The following RSU1 variants were observed in gnomAD, a reference collection of about 807,000 sequenced individuals.
RSU1 encodes rsu-1.
Under a neutral mutation model 31.1 loss-of-function variants are expected in RSU1, and 26 were observed. That is an observed-to-expected ratio of 0.84 (90% CI 0.61 to 1.16). The LOEUF is 1.16. Among genes scored for constraint, RSU1 ranks in the 50% most tolerant of loss-of-function variants. RSU1 has a pLI of 0.00. For missense variants in RSU1, 320 were observed against 339.1 expected, an observed-to-expected ratio of 0.94 and a Z score of 0.44; for synonymous variants, 164 against 136.3, an observed-to-expected ratio of 1.20 and a Z score of -1.41.
intron 3 of RSU1, among the ~76,000 whole-genome samples, chr10:16,773,477 C>T (rs1175300870): frequency 1.3e-5 from 2 of 152,174 alleles, no homozygotes; most frequent in Non-Finnish European, 2.9e-5. Flanking sequence ...GCCACAGGAA[C>T]GCTTCGTCCA....
intron 8 of RSU1, among the ~76,000 whole-genome samples, chr10:16,682,574 G>A (rs60777098): frequency 0.028 from 3,858 of 138,192 alleles, 242 homozygotes; most frequent in African/African-American, 0.094. Flanking sequence ...ACACACACAT[G>A]CATGCATGTT....
chr10:16,817,244 T>TA (rs373002784), intron 1 of RSU1, 71 bp downstream of exon 1: 15 of 616,546 alleles, frequency 2.4e-5, no homozygotes, highest in Admixed American at 8.3e-5. Flanking sequence ...GGGGATGGAG[T>TA]GGGAAGGGTT....
chr10:16,594,142 C>A (rs1403168197), intron 8 of RSU1, among the ~76,000 whole-genome samples: 1 of 152,124 alleles, frequency 6.6e-6, no homozygotes, highest in Admixed American at 6.5e-5. Flanking sequence ...CTGATTAAAC[C>A]AAATTAAAAG....
intron 8 of RSU1, among the ~76,000 whole-genome samples, chr10:16,664,505 A>T (rs927480647): frequency 3.9e-5 from 6 of 152,220 alleles, no homozygotes; most frequent in Non-Finnish European, 4.4e-5. Context: ...GACAACATTG[A>T]TGAATGCTTC....
At chr10:16,792,042 AAC>A (rs1837928722) in intron 2 of RSU1, among the ~76,000 whole-genome samples, 1 of 152,198 alleles carries the variant, frequency 6.6e-6, no homozygotes, top group Non-Finnish European at 1.5e-5. Context: ...GAGGCCTGAA[AAC>A]ACACAAAATG....
At chr10:16,775,475 G>T (rs896023573) in intron 3 of RSU1, among the ~76,000 whole-genome samples, 1 of 152,050 alleles carries the variant, frequency 6.6e-6, no homozygotes, top group Non-Finnish European at 1.5e-5. Context: ...AAGGATTCTA[G>T]AACAGGTACA....
At chr10:16,779,742 G>C (rs1321810569) in intron 3 of RSU1, among the ~76,000 whole-genome samples, 4 of 151,990 alleles carry the variant, frequency 2.6e-5, no homozygotes, top group African/African-American at 9.7e-5. Context: ...GTGACAGCAG[G>C]GTGTGCCTAG....
At chr10:16,606,243 T>C (rs1476746528) in intron 8 of RSU1, among the ~76,000 whole-genome samples, 1 of 152,220 alleles carries the variant, frequency 6.6e-6, no homozygotes, top group Non-Finnish European at 1.5e-5. Flanking sequence ...TTAATGTTGA[T>C]AAGAACTAGT....
chr10:16,715,829 T>A (rs370857342), intron 7 of RSU1, among the ~76,000 whole-genome samples: 1 of 152,316 alleles, frequency 6.6e-6, no homozygotes, highest in East Asian at 1.9e-4. Flanking sequence ...ATTTTCTATT[T>A]CTGCAAAAAA....
intron 7 of RSU1, among the ~76,000 whole-genome samples, chr10:16,708,620 G>A (rs1360841774): frequency 6.6e-6 from 1 of 151,984 alleles, no homozygotes; most frequent in Non-Finnish European, 1.5e-5. Flanking sequence ...TGTAAAGAAT[G>A]TCATTAGTAT....
In RSU1 at chr10:16,673,164, C is replaced by T. The variant is rs146589472; in HGVS notation, c.731+21859G>A. Among the ~76,000 whole-genome samples the T allele has an allele frequency of 3.1e-3, 472 of 152,348 alleles. 2 individuals are homozygous for T. The highest frequency in any genetic ancestry group is 0.011 in the African/African-American group (450 of 41,584). ...CTTTGACCCCATTGAAATGCTTCTT[C>T]AGGGTCCATAAGTCCCGCTGGGAGA... On this transcript the variant is annotated intron_variant, in intron 8 of 8. Coordinates refer to ENST00000345264, the MANE Select transcript of RSU1 (RefSeq NM_012425.4).
chr10:16,773,332 A>C (rs1050483282), intron 3 of RSU1, among the ~76,000 whole-genome samples: 4 of 152,134 alleles, frequency 2.6e-5, no homozygotes, highest in Admixed American at 2.6e-4. Flanking sequence ...GGGGAGGAAA[A>C]GGAAGAGGCC....
chr10:16,612,421 G>C (rs1047096349), intron 8 of RSU1, among the ~76,000 whole-genome samples: 1 of 152,182 alleles, frequency 6.6e-6, no homozygotes, highest in African/African-American at 2.4e-5. Flanking sequence ...CTGCCTGGAG[G>C]AAGGTGCAAA....
intron 7 of RSU1, among the ~76,000 whole-genome samples, chr10:16,737,497 C>A (rs180878103): frequency 8.2e-4 from 125 of 151,544 alleles, no homozygotes; most frequent in African/African-American, 3.0e-3. Flanking sequence ...AATTTCATAT[C>A]CTGAAAAAAA....
intron 3 of RSU1, among the ~76,000 whole-genome samples, chr10:16,773,255 C>G (rs1335542415): frequency 2.0e-5 from 3 of 151,602 alleles, no homozygotes; most frequent in Non-Finnish European, 4.4e-5. Context: ...ATCAAGAGGC[C>G]ACAAGTGGAC....
rs575927557 is a variant in RSU1 at position 16,810,474 on chromosome 10, C to T, written c.109+6499G>A. ...TGCTGCTGTTCCCCCAGCAGCCGCC[C>T]CCCGGGCTATGCACAGCTCTGAACT... is the stretch of plus-strand genomic sequence containing the variant. On this transcript the variant is annotated intron_variant, in intron 2 of 8. Coordinates refer to ENST00000345264, the MANE Select transcript of RSU1 (RefSeq NM_012425.4). 1.3e-4 allele frequency among the ~76,000 whole-genome samples: 20 copies of T among 152,202 alleles called. No individual in the cohort carries two copies. The East Asian group carries it at 3.7e-3, about 28-fold the overall frequency.
chr10:16,758,220 C>T (rs1167872394), intron 4 of RSU1, among the ~76,000 whole-genome samples: 5 of 152,184 alleles, frequency 3.3e-5, no homozygotes, highest in Non-Finnish European at 7.3e-5. Flanking sequence ...AGCAACAGCC[C>T]CAGCTACAAA....
At chr10:16,631,794 A>T (rs1472858484) in intron 8 of RSU1, among the ~76,000 whole-genome samples, 1 of 152,078 alleles carries the variant, frequency 6.6e-6, no homozygotes, top group Non-Finnish European at 1.5e-5. Context: ...AGGAGTGCAC[A>T]CCTCTTGTTC....
chr10:16,613,544 C>G (rs1220785743), intron 8 of RSU1, among the ~76,000 whole-genome samples: 1 of 152,200 alleles, frequency 6.6e-6, no homozygotes, highest in African/African-American at 2.4e-5. Flanking sequence ...CTGGTTGCCA[C>G]TGTGCTGGAG....
Sources: allele counts gnomAD v4.1 joint callset (sites outside exome capture counted in the v4.1 genomes callset), GRCh38; gene constraint gnomAD v4.1.1; transcripts MANE v1.5; gene names NCBI Gene and HGNC (gene_info 2026-07-23, HGNC 2026-07-21).